Variants in SCN8A observed in about 807,000 individuals in gnomAD.
SCN8A encodes sodium channel protein type 8 subunit alpha.
In SCN8A, 30 loss-of-function variants were observed where a neutral mutation model predicts 184.1. The observed-to-expected ratio is 0.16, with a 90% CI of 0.12 to 0.22. The LOEUF is 0.22. Ranked by LOEUF, SCN8A falls within the 10% of genes least tolerant of loss-of-function variation. The pLI is 1.00. For synonymous variants in SCN8A, 852 were observed against 907.0 expected (o/e 0.94, Z 1.09); for missense variants, 1,057 against 2,498.9 (o/e 0.42, Z 12.30).
chr12:51,650,742 T>A lies in SCN8A; in HGVS notation c.-54-12022T>A, dbSNP rs367829994. On this transcript the variant is annotated intron_variant, in intron 1 of 26. Transcript: ENST00000627620. ...CAAGGAACACCTGGCCCACCCCACATTGGGCACCACTTGCCGAGACCAGCT... is the reference window on the plus strand; with the variant it reads ...CAAGGAACACCTGGCCCACCCCACAATGGGCACCACTTGCCGAGACCAGCT... 4.6e-5 allele frequency among the ~76,000 whole-genome samples: 7 copies of A among 152,158 alleles called. No individual in the cohort carries two copies. In the East Asian group the frequency reaches 7.8e-4, roughly 17 times the overall value.
At chr12:51,778,951 C>T (rs531156318) in intron 20 of SCN8A, among the ~76,000 whole-genome samples, 1 of 152,200 alleles carries the variant, frequency 6.6e-6, no homozygotes, top group East Asian at 1.9e-4. Context: ...CATGGTGGCT[C>T]AAGCCTGTAA....
At chr12:51,683,406 A>T (rs1017288403) in intron 2 of SCN8A, among the ~76,000 whole-genome samples, 4 of 152,214 alleles carry the variant, frequency 2.6e-5, no homozygotes, top group Admixed American at 6.5e-5. Context: ...CATACTGGGA[A>T]ATATGATTTA....
chr12:51,690,431 C>T (rs945624723), intron 6 of SCN8A, among the ~76,000 whole-genome samples: 3 of 152,116 alleles, frequency 2.0e-5, no homozygotes, highest in African/African-American at 7.2e-5. Flanking sequence ...TGGCTCACTG[C>T]AGCCTTGACT....
chr12:51,790,774 G>C lies in SCN8A; in HGVS notation c.4524+272G>C, dbSNP rs553637365. ...AACCACATTGGCTTTGGCCCTAGTA[G>C]AGAGATGTTTTTAGAGACAACCAAA... On this transcript the variant is annotated intron_variant, in intron 25 of 26. Transcript: ENST00000627620. Among the ~76,000 whole-genome samples the C allele has an allele frequency of 6.6e-4, 101 of 152,190 alleles. No individual in the cohort carries two copies. The Middle Eastern group carries it at 0.014, about 21-fold the overall frequency.
intron 2 of SCN8A, among the ~76,000 whole-genome samples, chr12:51,668,630 G>C (rs57751704): frequency 0.05 from 7,573 of 152,090 alleles, 246 homozygotes; most frequent in East Asian, 0.13. Context: ...GTGCTTCTGG[G>C]GGAAAGGATT....
intron 2 of SCN8A, among the ~76,000 whole-genome samples, chr12:51,671,755 G>A (rs541615064): frequency 6.6e-6 from 1 of 152,318 alleles, no homozygotes; most frequent in South Asian, 2.1e-4. Context: ...CAAATGAGTT[G>A]TAAATGTTTC....
chr12:51,677,760 C>T lies in SCN8A; in HGVS notation c.277-6414C>T, dbSNP rs76040576. ...TTTATTAATACTCCATGCCATAACTCGTTAAGAACTGTTCTGCCGCTCTTA... is the reference window on the plus strand; with the variant it reads ...TTTATTAATACTCCATGCCATAACTTGTTAAGAACTGTTCTGCCGCTCTTA... On this transcript the variant is annotated intron_variant, in intron 2 of 26. Coordinates refer to ENST00000627620, the MANE Select transcript of SCN8A (RefSeq NM_001330260.2). Among the ~76,000 whole-genome samples, 108 of 152,308 alleles carry T rather than the reference C, an allele frequency of 7.1e-4. No homozygotes were observed. In the East Asian group the frequency reaches 0.02, roughly 28 times the overall value.
chr12:51,807,434 G>T lies in SCN8A; in HGVS notation c.*5G>T. On this transcript the variant is annotated 3_prime_UTR_variant, in exon 27 of 27. Coordinates refer to ENST00000627620, the MANE Select transcript of SCN8A (RefSeq NM_001330260.2). This position sits in a 1 kb window ranked among gnomAD's most constrained non-coding sequence, Gnocchi z 4.5. ...GTCAGAGAATCCAAGTGTTAGAGGA[G>T]AACAAAAATTCAGTATTATACAGAT... is the stretch of plus-strand genomic sequence containing the variant. The T allele has an allele frequency of 6.2e-7, 1 of 1,602,426 alleles. No homozygotes were observed. Among genetic ancestry groups the T allele is most frequent in the South Asian group, 1.1e-5 (1 of 89,510 alleles).
At chr12:51,717,266 C>A (rs1031207216) in intron 11 of SCN8A, among the ~76,000 whole-genome samples, 25 of 152,232 alleles carry the variant, frequency 1.6e-4, no homozygotes, top group African/African-American at 5.8e-4. Flanking sequence ...AAGACACCAT[C>A]TTCTGGCCAG....
intron 12 of SCN8A, 123 bp from the exon 13 acceptor site, chr12:51,745,780 C>A: frequency 1.4e-6 from 1 of 700,192 alleles, no homozygotes; most frequent in Non-Finnish European, 2.2e-6. Context: ...GTGAATAGGA[C>A]TGTAGGATCA....
chr12:51,640,949 G>A (rs978237284), intron 1 of SCN8A, among the ~76,000 whole-genome samples: 15 of 152,210 alleles, frequency 9.9e-5, no homozygotes, highest in African/African-American at 3.6e-4. Context: ...TCTCTGAGTA[G>A]ATGAGAGAGA....
At chr12:51,751,170 G>A (rs1215571306) in intron 13 of SCN8A, among the ~76,000 whole-genome samples, 185 bp from the exon 14 acceptor site, 1 of 152,176 alleles carries the variant, frequency 6.6e-6, no homozygotes, top group Non-Finnish European at 1.5e-5. Context: ...TATTAACAGG[G>A]AGGCAACTTG....
intron 14 of SCN8A, among the ~76,000 whole-genome samples, chr12:51,761,873 A>G (rs1592147798): frequency 6.6e-6 from 1 of 152,108 alleles, no homozygotes; most frequent in Non-Finnish European, 1.5e-5. Flanking sequence ...TAAGTGAAAA[A>G]TCAGACCCAA....
chr12:51,678,244 G>C (rs1941260048), intron 2 of SCN8A, among the ~76,000 whole-genome samples: 1 of 152,188 alleles, frequency 6.6e-6, no homozygotes, highest in South Asian at 2.1e-4. Context: ...GATAGTGCAG[G>C]GAAAAGCATT....
intron 1 of SCN8A, among the ~76,000 whole-genome samples, chr12:51,652,809 T>C (rs1010460573): frequency 3.9e-5 from 6 of 152,246 alleles, no homozygotes; most frequent in Non-Finnish European, 7.3e-5. Flanking sequence ...TGTAAAAGCC[T>C]GTTTTACTTT....
At position 51,745,899 on chromosome 12, in the gene SCN8A, A is replaced by G. The variant is rs765240974; in HGVS notation, c.1999-4A>G. Reference sequence around the variant, plus strand: ...TATTTGCTTTTCTTTTTTTTTTTTTAAAGGCTACAACTGAGGTGGAAATTA... The same window carrying G: ...TATTTGCTTTTCTTTTTTTTTTTTTGAAGGCTACAACTGAGGTGGAAATTA... On this transcript the variant is annotated splice_region_variant and splice_polypyrimidine_tract_variant and intron_variant, in intron 12 of 26. Transcript: ENST00000627620. 8.5e-6 allele frequency: 12 copies of G among 1,410,886 alleles called. No individual in the cohort carries two copies. The highest frequency in any genetic ancestry group is 1.1e-5 in the Non-Finnish European group (12 of 1,061,330). The allele number at this position is 1,410,886 out of a possible 1,614,324, so 87.4% of individuals were successfully genotyped here.
chr12:51,649,536 G>C (rs541056835), intron 1 of SCN8A, among the ~76,000 whole-genome samples: 55 of 152,296 alleles, frequency 3.6e-4, no homozygotes, highest in African/African-American at 1.3e-3. Flanking sequence ...CCCAGTTCTT[G>C]ACTTCTGTGC....
chr12:51,625,138 A>G (rs765745153), intron 1 of SCN8A, among the ~76,000 whole-genome samples: 4 of 152,222 alleles, frequency 2.6e-5, no homozygotes, highest in African/African-American at 9.6e-5. Flanking sequence ...CTAGTAACAC[A>G]TAGAATAATT....
Position 51,769,181 on chromosome 12 carries a change from G to T in SCN8A, c.3218G>T (p.Ser1073Ile). The change falls in exon 17 of 27, where the codon AGC (serine) becomes ATC (isoleucine). Residue 1073 changes from serine (S) to isoleucine (I), a missense_variant. By Grantham distance (142) the Ser-to-Ile change is moderately radical. Coordinates refer to ENST00000627620, the MANE Select transcript of SCN8A (RefSeq NM_001330260.2). ...GGCACAACCAGCGGCATTGGCAGCAGCGTGGAGAAGTACATCATTGATGAG... is the reference window on the plus strand; with the variant it reads ...GGCACAACCAGCGGCATTGGCAGCATCGTGGAGAAGTACATCATTGATGAG... The part of the protein sequence containing the change: ...GNGTTSGIGS[S>I]VEKYIIDEDH... 6.2e-7 allele frequency: 1 copy of T among 1,613,780 alleles called. No individual in the cohort carries two copies. The highest frequency in any genetic ancestry group is 8.5e-7 in the Non-Finnish European group (1 of 1,179,790).
Sources: gnomAD v4.1 joint callset for allele counts (sites outside exome capture counted in the v4.1 genomes callset) on GRCh38, gnomAD v4.1.1 for gene constraint, Gnocchi (gnomAD v3.1) non-coding constraint, MANE v1.5 for transcripts, NCBI Gene and HGNC (gene_info 2026-07-23, HGNC 2026-07-21) for gene names.